PRKCA: variants seen among roughly 807,000 people sequenced by gnomAD.
The protein encoded by PRKCA is protein kinase C alpha type.
In PRKCA, 27 loss-of-function variants were observed where a neutral mutation model predicts 87.0. The ratio of observed to expected loss-of-function variants is 0.31; its 90% CI spans 0.23 to 0.43. The LOEUF is 0.43. Ranked by LOEUF, PRKCA falls within the 20% of genes least tolerant of loss-of-function variation. PRKCA has a pLI of 1.00. For missense variants in PRKCA, 518 were observed against 852.3 expected, an observed-to-expected ratio of 0.61 and a Z score of 4.88; for synonymous variants, 329 against 311.1, an observed-to-expected ratio of 1.06 and a Z score of -0.61.
intron 6 of PRKCA, 131 bp downstream of exon 6, chr17:66,687,398 G>C (rs1598874129): frequency 2.2e-6 from 2 of 928,168 alleles, no homozygotes. Context: ...ACCTCCTCAG[G>C]CTGCCATTAG....
chr17:66,610,043 A>G (rs369693469), intron 3 of PRKCA, among the ~76,000 whole-genome samples: 1 of 152,000 alleles, frequency 6.6e-6, no homozygotes, highest in African/African-American at 2.4e-5. Context: ...TCAGTCCCAC[A>G]ACACTGCCCC....
rs1244889779 is a variant in PRKCA, at chr17:66,792,098, A to G, written c.1854+3119A>G. Among the ~76,000 whole-genome samples, 1 of 152,022 alleles carries G rather than the reference A, an allele frequency of 6.6e-6. No homozygotes were observed. The highest frequency in any genetic ancestry group is 1.5e-5 in the Non-Finnish European group (1 of 67,986). ...TGGCTCTCGCCTCTCAGCAGTTCTTATAATCCTGGCTCACCAACCTTTTCT... is the reference window on the plus strand; with the variant it reads ...TGGCTCTCGCCTCTCAGCAGTTCTTGTAATCCTGGCTCACCAACCTTTTCT... On this transcript the variant is annotated intron_variant, in intron 16 of 16. Transcript: ENST00000413366. This position sits in a 1 kb window ranked among gnomAD's most constrained non-coding sequence, Gnocchi z 4.5.
rs534310156 is a variant in PRKCA, at chr17:66,514,489, A to G, written c.288+18206A>G. Reference sequence around the variant, plus strand: ...AACGTGAGTAATAGAAAACCTGACTAAGCAGCGACTTGAACTGAATAGGAG... The same window carrying G: ...AACGTGAGTAATAGAAAACCTGACTGAGCAGCGACTTGAACTGAATAGGAG... On this transcript the variant is annotated intron_variant, in intron 3 of 16. Transcript: ENST00000413366. Among the ~76,000 whole-genome samples, 4 of 152,266 alleles carry G rather than the reference A, an allele frequency of 2.6e-5. No individual in the cohort carries two copies. In the South Asian group the frequency reaches 8.3e-4, roughly 32 times the overall value.
intron 2 of PRKCA, among the ~76,000 whole-genome samples, chr17:66,352,152 G>A (rs1050904900): frequency 6.6e-6 from 1 of 152,206 alleles, no homozygotes; most frequent in Non-Finnish European, 1.5e-5. Flanking sequence ...GAGGGCTGAC[G>A]TGAGATCCCA....
chr17:66,489,307 G>A (rs977502275), intron 2 of PRKCA, among the ~76,000 whole-genome samples: 2 of 140,040 alleles, frequency 1.4e-5, no homozygotes, highest in African/African-American at 2.6e-5. Flanking sequence ...GAAAGGAAAG[G>A]AAATTATTTT....
intron 2 of PRKCA, among the ~76,000 whole-genome samples, chr17:66,428,310 C>G (rs972363319): frequency 3.9e-5 from 6 of 152,028 alleles, no homozygotes; most frequent in East Asian, 1.9e-4. Context: ...GCACCGATAT[C>G]GAGCTGTCTT....
At chr17:66,555,409 T>C (rs905110432) in intron 3 of PRKCA, among the ~76,000 whole-genome samples, 1 of 152,194 alleles carries the variant, frequency 6.6e-6, no homozygotes, top group African/African-American at 2.4e-5. Flanking sequence ...TCTGTCATAT[T>C]GCAGAATCTT....
At chr17:66,396,133 C>G (rs556622638) in intron 2 of PRKCA, among the ~76,000 whole-genome samples, 66 of 151,926 alleles carry the variant, frequency 4.3e-4, no homozygotes, top group African/African-American at 1.6e-3. Flanking sequence ...GTTCTTCTCT[C>G]ACCTACTCAG....
intron 3 of PRKCA, among the ~76,000 whole-genome samples, chr17:66,534,560 G>A (rs958779567): frequency 2.2e-4 from 33 of 152,184 alleles, no homozygotes; most frequent in Non-Finnish European, 2.5e-4. Context: ...CCAGCTACTC[G>A]GGAGGCTGAG....
At position 66,808,323 on chromosome 17, in the gene PRKCA, T is replaced by TTTTTG. The variant is rs1255804869; in HGVS notation, c.*4290_*4291insGTTTT. On this transcript the variant is annotated 3_prime_UTR_variant, in exon 17 of 17. Coordinates refer to ENST00000413366, the MANE Select transcript of PRKCA (RefSeq NM_002737.3). ...AGGGTTTTTTTTGTTTTTGTTCCTG[T>TTTTTG]TTTTTTTTTTTTTGCTGGAATTTGT... is the stretch of plus-strand genomic sequence containing the variant. 1 of 23,646 alleles carries TTTTTG rather than the reference T, an allele frequency of 4.2e-5. No homozygotes were observed. Among genetic ancestry groups the TTTTTG allele is most frequent in the Non-Finnish European group, 6.5e-5 (1 of 15,404 alleles). The allele number at this position is 23,646 out of a possible 1,614,324, so 1.5% of individuals were successfully genotyped here.
At chr17:66,765,451 T>TATCC (rs1555646712) in intron 13 of PRKCA, among the ~76,000 whole-genome samples, 6 of 140,658 alleles carry the variant, frequency 4.3e-5, no homozygotes, top group Non-Finnish European at 7.7e-5. Context: ...TATATATATA[T>TATCC]ATATCCATAT....
In PRKCA at chr17:66,529,900, C is replaced by T. The variant is rs184203841; in HGVS notation, c.288+33617C>T. Among the ~76,000 whole-genome samples, 966 of 152,292 alleles carry T rather than the reference C, an allele frequency of 6.3e-3. 31 individuals are homozygous for T. The highest frequency in any genetic ancestry group is 0.055 in the Admixed American group (842 of 15,296). Reference sequence around the variant, plus strand: ...GACTAATCAAATACATTTGATGTTTCAGCTGACTCCAGATACTTTTCCTTC... The same window carrying T: ...GACTAATCAAATACATTTGATGTTTTAGCTGACTCCAGATACTTTTCCTTC... On this transcript the variant is annotated intron_variant, in intron 3 of 16. Coordinates refer to ENST00000413366, the MANE Select transcript of PRKCA (RefSeq NM_002737.3).
At chr17:66,679,795 A>G (rs1232400258) in intron 5 of PRKCA, among the ~76,000 whole-genome samples, 1 of 152,172 alleles carries the variant, frequency 6.6e-6, no homozygotes, top group African/African-American at 2.4e-5. Context: ...ATTTCAATAC[A>G]TCAGCAAGCG....
chr17:66,777,399 A>C, intron 14 of PRKCA: 2 of 984,624 alleles, frequency 2.0e-6, no homozygotes, highest in Non-Finnish European at 2.4e-6. Flanking sequence ...ACATCAAAAG[A>C]GTGGTTTATT....
At chr17:66,501,796 A>G (rs971544035) in intron 3 of PRKCA, among the ~76,000 whole-genome samples, 1 of 152,242 alleles carries the variant, frequency 6.6e-6, no homozygotes, top group Non-Finnish European at 1.5e-5. Context: ...AGACTCGGAC[A>G]TGGGCAGGTA....
At chr17:66,735,195 C>A (rs1355265395) in intron 9 of PRKCA, among the ~76,000 whole-genome samples, 1 of 152,102 alleles carries the variant, frequency 6.6e-6, no homozygotes, top group Non-Finnish European at 1.5e-5. Flanking sequence ...CCAGACTAAT[C>A]CTGATAGAGA....
intron 3 of PRKCA, among the ~76,000 whole-genome samples, chr17:66,534,317 C>T (rs534703802): frequency 6.6e-6 from 1 of 152,166 alleles, no homozygotes; most frequent in African/African-American, 2.4e-5. Flanking sequence ...TGATGAAGGT[C>T]GATTCTTATC....
At chr17:66,719,154 C>A (rs1973550992) in intron 8 of PRKCA, among the ~76,000 whole-genome samples, 1 of 152,132 alleles carries the variant, frequency 6.6e-6, no homozygotes, top group Non-Finnish European at 1.5e-5. Flanking sequence ...CAAAATTGTT[C>A]ATCTGCATGT....
intron 2 of PRKCA, chr17:66,415,497 T>G (rs887500609): frequency 4.6e-5 from 7 of 152,190 alleles, no homozygotes; most frequent in African/African-American, 9.7e-5. Context: ...CTGGAAGTCC[T>G]GAGCTATTCA....
Sources: gnomAD v4.1 joint callset for allele counts (sites outside exome capture counted in the v4.1 genomes callset) on GRCh38, gnomAD v4.1.1 for gene constraint, Gnocchi (gnomAD v3.1) non-coding constraint, MANE v1.5 for transcripts, NCBI Gene and HGNC (gene_info 2026-07-23, HGNC 2026-07-21) for gene names.